AGBL4: variants seen among roughly 807,000 people sequenced by gnomAD.
AGBL4 encodes AGBL carboxypeptidase 4, also known as cytosolic carboxypeptidase 6.
A neutral mutation model predicts 66.4 loss-of-function variants in AGBL4; 58 were observed. The observed-to-expected ratio is 0.87, with a 90% CI of 0.71 to 1.09. AGBL4 has a LOEUF of 1.09. AGBL4 is among the 50% of genes least tolerant of loss of function. AGBL4 has a pLI of 0.00. For missense variants in AGBL4, 579 were observed against 631.0 expected, an observed-to-expected ratio of 0.92 and a Z score of 0.88; for synonymous variants, 234 against 222.9, an observed-to-expected ratio of 1.05 and a Z score of -0.44.
intron 2 of AGBL4, among the ~76,000 whole-genome samples, chr1:49,836,241 A>G (rs898388453): frequency 6.6e-6 from 1 of 152,106 alleles, no homozygotes; most frequent in Admixed American, 6.5e-5. Context: ...GTCTTTTCAC[A>G]TAGTCCCATG....
intron 4 of AGBL4, among the ~76,000 whole-genome samples, chr1:49,217,886 TA>T (rs1006088182): frequency 5.3e-5 from 8 of 152,104 alleles, no homozygotes; most frequent in African/African-American, 1.9e-4. Context: ...GAAGAGATCT[TA>T]AAGGCCCTCT....
At chr1:49,747,744 G>C (rs902210027) in intron 2 of AGBL4, among the ~76,000 whole-genome samples, 10 of 152,092 alleles carry the variant, frequency 6.6e-5, no homozygotes, top group Admixed American at 5.2e-4. Context: ...TGAGGATGGA[G>C]ATATCGACTG....
At chr1:48,782,404 G>T (rs550837023) in intron 6 of AGBL4, among the ~76,000 whole-genome samples, 3 of 152,160 alleles carry the variant, frequency 2.0e-5, no homozygotes, top group Non-Finnish European at 4.4e-5. Flanking sequence ...TGGGACTTAT[G>T]TTTCATATTA....
At chr1:48,757,412 C>T (rs1348073224) in intron 6 of AGBL4, among the ~76,000 whole-genome samples, 2 of 152,164 alleles carry the variant, frequency 1.3e-5, no homozygotes, top group Admixed American at 1.3e-4. Context: ...AAACCATATG[C>T]GACTTTTCGT....
chr1:49,056,654 T>A (rs1644314335), intron 4 of AGBL4, among the ~76,000 whole-genome samples: 1 of 152,110 alleles, frequency 6.6e-6, no homozygotes, highest in Admixed American at 6.5e-5. Flanking sequence ...TAGGGCCTTG[T>A]CTTTGGTAAG....
chr1:49,890,893 C>T (rs946324522), intron 1 of AGBL4, among the ~76,000 whole-genome samples: 1 of 152,038 alleles, frequency 6.6e-6, no homozygotes, highest in East Asian at 1.9e-4. Flanking sequence ...ATTGTTTAGT[C>T]AATTAAATTT....
chr1:49,516,872 A>G (rs1032247405), intron 3 of AGBL4, among the ~76,000 whole-genome samples: 1 of 152,136 alleles, frequency 6.6e-6, no homozygotes, highest in African/African-American at 2.4e-5. Context: ...AAGTAGACAG[A>G]CATTCCTATA....
chr1:49,839,470 A>G (rs1479030737), intron 2 of AGBL4, among the ~76,000 whole-genome samples: 1 of 152,192 alleles, frequency 6.6e-6, no homozygotes, highest in East Asian at 1.9e-4. Flanking sequence ...GTTCTGGCAT[A>G]AAGTAACAGT....
At chr1:48,641,101 G>C (rs1478429377) in intron 8 of AGBL4, among the ~76,000 whole-genome samples, 3 of 152,136 alleles carry the variant, frequency 2.0e-5, no homozygotes, top group African/African-American at 4.8e-5. Flanking sequence ...AAACACAGCA[G>C]TTTTTCAGCA....
chr1:49,762,444 G>C (rs1252815882), intron 2 of AGBL4, among the ~76,000 whole-genome samples: 1 of 141,360 alleles, frequency 7.1e-6, no homozygotes, highest in Non-Finnish European at 1.5e-5. Context: ...ACGGAGTCTT[G>C]CTCTGTCGCC....
In AGBL4 at chr1:48,855,745, A is replaced by G. The variant is rs191014482; in HGVS notation, c.634+11446T>C. On this transcript the variant is annotated intron_variant, in intron 6 of 13. Coordinates refer to ENST00000371839, the MANE Select transcript of AGBL4 (RefSeq NM_032785.4). ...TCTAGAAATAACATAATGCACAACAATAGAACTTTTTTTTTTGCAAATAAG... is the reference window on the plus strand; with the variant it reads ...TCTAGAAATAACATAATGCACAACAGTAGAACTTTTTTTTTTGCAAATAAG... Among the ~76,000 whole-genome samples the G allele has an allele frequency of 1.1e-3, 167 of 151,478 alleles. 2 individuals carry two copies. Among genetic ancestry groups the G allele is most frequent in the Admixed American group, 3.4e-3 (52 of 15,278 alleles).
intron 6 of AGBL4, among the ~76,000 whole-genome samples, chr1:48,685,448 C>T (rs575932450): frequency 6.6e-6 from 1 of 152,034 alleles, no homozygotes; most frequent in Non-Finnish European, 1.5e-5. Context: ...GGAGTCATGA[C>T]CCCCCCATAG....
At chr1:49,046,048 C>G (rs150811452) in intron 4 of AGBL4, among the ~76,000 whole-genome samples, 1 of 152,186 alleles carries the variant, frequency 6.6e-6, no homozygotes, top group African/African-American at 2.4e-5. Flanking sequence ...AAAATAGACA[C>G]ATTCTATTCA....
At chr1:49,162,555 G>C (rs891616327) in intron 4 of AGBL4, among the ~76,000 whole-genome samples, 1 of 152,166 alleles carries the variant, frequency 6.6e-6, no homozygotes, top group Non-Finnish European at 1.5e-5. Context: ...ATATTTTCAT[G>C]GAACTGCCTT....
chr1:49,352,070 C>T (rs1363610200), intron 3 of AGBL4, among the ~76,000 whole-genome samples: 4 of 152,158 alleles, frequency 2.6e-5, no homozygotes, highest in African/African-American at 9.7e-5. Context: ...ATGTAGTTCC[C>T]CTAATTATCC....
intron 3 of AGBL4, among the ~76,000 whole-genome samples, chr1:49,495,923 A>G (rs148256519): frequency 3.9e-5 from 6 of 152,184 alleles, no homozygotes; most frequent in East Asian, 1.9e-4. Flanking sequence ...TCCTTAATTT[A>G]TTCATCTGTA....
At chr1:49,030,775 C>T (rs555264178) in intron 5 of AGBL4, among the ~76,000 whole-genome samples, 18 of 143,714 alleles carry the variant, frequency 1.3e-4, no homozygotes, top group African/African-American at 4.7e-4. Context: ...TTTAAGCCAC[C>T]TAGTCTATGG....
At chr1:48,831,538 G>A (rs1030288531) in intron 6 of AGBL4, among the ~76,000 whole-genome samples, 1 of 152,196 alleles carries the variant, frequency 6.6e-6, no homozygotes, top group South Asian at 2.1e-4. Flanking sequence ...CACCTCTGCT[G>A]TAACATTTAG....
At chr1:49,847,804 C>T (rs1646192035) in intron 2 of AGBL4, among the ~76,000 whole-genome samples, 1 of 151,796 alleles carries the variant, frequency 6.6e-6, no homozygotes, top group African/African-American at 2.4e-5. Context: ...CAGGTTCATG[C>T]CATTCTCCTG....
Sources: allele counts gnomAD v4.1 joint callset (sites outside exome capture counted in the v4.1 genomes callset), GRCh38; gene constraint gnomAD v4.1.1; transcripts MANE v1.5; gene names NCBI Gene and HGNC (gene_info 2026-07-23, HGNC 2026-07-21).